PLCXD3: variants seen among roughly 807,000 people sequenced by gnomAD.
PLCXD3 encodes the protein phosphatidylinositol specific phospholipase C X domain containing 3.
A neutral mutation model predicts 25.5 loss-of-function variants in PLCXD3; 19 were observed. The observed-to-expected ratio is 0.75, with a 90% CI of 0.52 to 1.09. PLCXD3 has a LOEUF of 1.09. PLCXD3 is among the 50% of genes least tolerant of loss of function. PLCXD3 has a pLI of 0.00. For synonymous variants in PLCXD3, 174 were observed against 137.6 expected (o/e 1.26, Z -1.85); for missense variants, 411 against 388.1 (o/e 1.06, Z -0.50).
chr5:41,359,446 G>T (rs932746628), intron 2 of PLCXD3, among the ~76,000 whole-genome samples: 3 of 151,990 alleles, frequency 2.0e-5, no homozygotes, highest in Non-Finnish European at 4.4e-5. Flanking sequence ...AATCTGGGAG[G>T]GTTGTATATT....
chr5:41,448,670 T>A (rs534117850), intron 1 of PLCXD3, among the ~76,000 whole-genome samples: 1 of 152,276 alleles, frequency 6.6e-6, no homozygotes, highest in South Asian at 2.1e-4. Flanking sequence ...TTTTGAGTCA[T>A]CCTTTTCTTC....
chr5:41,449,582 G>A (rs939143964), intron 1 of PLCXD3, among the ~76,000 whole-genome samples: 2 of 152,068 alleles, frequency 1.3e-5, no homozygotes, highest in African/African-American at 4.8e-5. Flanking sequence ...TAGAGGAGGT[G>A]GGCAGTGAGA....
rs996735889 is a variant in PLCXD3 at position 41,327,791 on chromosome 5, C to A, written c.813-14021G>T. Reference sequence around the variant, plus strand: ...TGTCCCCCACCATTCTTTAATCTTTCTTTTCATTAGATGTTGGATTTTTTC... The same window carrying A: ...TGTCCCCCACCATTCTTTAATCTTTATTTTCATTAGATGTTGGATTTTTTC... On this transcript the variant is annotated intron_variant, in intron 2 of 2. Transcript: ENST00000377801. Among the ~76,000 whole-genome samples the A allele has an allele frequency of 7.9e-5, 12 of 152,076 alleles. 1 individual carries two copies. Among genetic ancestry groups the A allele is most frequent in the Admixed American group, 7.2e-4 (11 of 15,264 alleles).
intron 1 of PLCXD3, among the ~76,000 whole-genome samples, chr5:41,410,283 G>T (rs1746479295): frequency 6.6e-6 from 1 of 151,922 alleles, no homozygotes; most frequent in South Asian, 2.1e-4. Context: ...GGGACTACAG[G>T]CGTGCGCCCC....
chr5:41,481,991 G>A (rs924999000), intron 1 of PLCXD3, among the ~76,000 whole-genome samples: 1 of 152,180 alleles, frequency 6.6e-6, no homozygotes, highest in Non-Finnish European at 1.5e-5. Context: ...ACAGTGTAAG[G>A]ACGTATGATG....
chr5:41,331,200 T>G (rs1422726421), intron 2 of PLCXD3, among the ~76,000 whole-genome samples: 1 of 152,116 alleles, frequency 6.6e-6, no homozygotes, highest in Non-Finnish European at 1.5e-5. Flanking sequence ...GAAAACCCCA[T>G]TGTCTCAGCC....
intron 2 of PLCXD3, among the ~76,000 whole-genome samples, chr5:41,346,565 T>C (rs1436694042): frequency 6.6e-6 from 1 of 152,082 alleles, no homozygotes; most frequent in Non-Finnish European, 1.5e-5. Flanking sequence ...GTGTATGTTG[T>C]GGTAAAATAT....
intron 1 of PLCXD3, among the ~76,000 whole-genome samples, chr5:41,423,651 G>A (rs1342509994): frequency 6.6e-6 from 1 of 151,858 alleles, no homozygotes; most frequent in African/African-American, 2.4e-5. Context: ...TACATAAAAG[G>A]TTGTGAATTT....
intron 2 of PLCXD3, among the ~76,000 whole-genome samples, chr5:41,319,621 A>G (rs1743400689): frequency 6.6e-6 from 1 of 152,162 alleles, no homozygotes; most frequent in South Asian, 2.1e-4. Context: ...AGTACTAAGA[A>G]GGAAGTTTAT....
intron 1 of PLCXD3, among the ~76,000 whole-genome samples, chr5:41,405,035 C>A (rs1231344793): frequency 1.3e-5 from 2 of 152,120 alleles, no homozygotes; most frequent in Non-Finnish European, 2.9e-5. Context: ...CTTGCCTGTT[C>A]TATTTCTGTT....
intron 1 of PLCXD3, among the ~76,000 whole-genome samples, chr5:41,457,262 G>C (rs1410992314): frequency 6.6e-6 from 1 of 151,868 alleles, no homozygotes; most frequent in Non-Finnish European, 1.5e-5. Flanking sequence ...ACATGTATCT[G>C]AGAACCCTCT....
chr5:41,393,648 G>A (rs560446961), intron 1 of PLCXD3, among the ~76,000 whole-genome samples: 4 of 152,204 alleles, frequency 2.6e-5, no homozygotes, highest in Admixed American at 6.5e-5. Context: ...GGCTGGGCAC[G>A]GTGGCTCATG....
chr5:41,441,304 G>A (rs1445213920), intron 1 of PLCXD3, among the ~76,000 whole-genome samples: 2 of 152,158 alleles, frequency 1.3e-5, no homozygotes, highest in Non-Finnish European at 2.9e-5. Context: ...CTCATGCAAT[G>A]TCAATACTAA....
chr5:41,443,146 C>A (rs1747419790), intron 1 of PLCXD3, among the ~76,000 whole-genome samples: 1 of 150,652 alleles, frequency 6.6e-6, no homozygotes, highest in African/African-American at 2.4e-5. Flanking sequence ...TAGTCATGCA[C>A]TACACAACAA....
chr5:41,506,175 G>A (rs1373623909), intron 1 of PLCXD3, among the ~76,000 whole-genome samples: 1 of 152,270 alleles, frequency 6.6e-6, no homozygotes, highest in Admixed American at 6.5e-5. Context: ...TGAGTCCCAA[G>A]GCCTTAGAAG....
intron 2 of PLCXD3, among the ~76,000 whole-genome samples, chr5:41,330,752 G>C (rs541830276): frequency 8.1e-4 from 123 of 152,146 alleles, no homozygotes; most frequent in East Asian, 6.9e-3. Flanking sequence ...CCACCATGAT[G>C]AAGTGGGCTT....
chr5:41,351,813 C>G (rs769655566), intron 2 of PLCXD3, among the ~76,000 whole-genome samples: 1 of 152,144 alleles, frequency 6.6e-6, no homozygotes, highest in Non-Finnish European at 1.5e-5. Context: ...AAGAACCAAA[C>G]AGATCTCAGT....
At chr5:41,475,781 G>T (rs547290678) in intron 1 of PLCXD3, 1 of 528,182 alleles carries the variant, frequency 1.9e-6, no homozygotes, top group African/African-American at 1.9e-5. Context: ...AGCAGTTACT[G>T]CTGTTACTAC....
intron 1 of PLCXD3, among the ~76,000 whole-genome samples, chr5:41,457,937 C>T (rs567303701): frequency 5.9e-5 from 9 of 151,794 alleles, no homozygotes; most frequent in East Asian, 1.9e-4. Context: ...TACAGGGCTG[C>T]GTGTTACTGG....
Sources: allele counts gnomAD v4.1 joint callset (sites outside exome capture counted in the v4.1 genomes callset), GRCh38; gene constraint gnomAD v4.1.1; transcripts MANE v1.5; gene names NCBI Gene and HGNC (gene_info 2026-07-23, HGNC 2026-07-21).